The following NRXN3 variants were observed in gnomAD, a reference collection of about 807,000 sequenced individuals.
NRXN3 encodes the protein neurexin III.
Under a neutral mutation model 137.6 loss-of-function variants are expected in NRXN3, and 32 were observed. The observed-to-expected ratio is 0.23, with a 90% CI of 0.18 to 0.31. The LOEUF is 0.31. Ranked by LOEUF, NRXN3 falls within the 10% of genes least tolerant of loss-of-function variation. NRXN3 has a pLI of 1.00. For missense variants in NRXN3, 1,574 were observed against 2,062.5 expected (o/e 0.76, Z 4.59); for synonymous variants, 798 against 784.5 (o/e 1.02, Z -0.29).
At chr14:79,548,105 G>A (rs2097338529) in intron 16 of NRXN3, among the ~76,000 whole-genome samples, 1 of 151,950 alleles carries the variant, frequency 6.6e-6, no homozygotes, top group African/African-American at 2.4e-5. Context: ...TGTTACATAG[G>A]TATACATATG....
intron 4 of NRXN3, among the ~76,000 whole-genome samples, chr14:78,439,677 T>A (rs908858990): frequency 6.6e-6 from 1 of 152,128 alleles, no homozygotes; most frequent in Non-Finnish European, 1.5e-5. Context: ...TATCCCTATT[T>A]TACAGGTGTG....
At chr14:79,370,177 G>A (rs1371914912) in intron 15 of NRXN3, among the ~76,000 whole-genome samples, 1 of 152,104 alleles carries the variant, frequency 6.6e-6, no homozygotes, top group Non-Finnish European at 1.5e-5. Flanking sequence ...GAGTTGCTAT[G>A]AGCCAGACAC....
At chr14:78,321,822 C>T (rs2079405756) in intron 4 of NRXN3, among the ~76,000 whole-genome samples, 1 of 152,058 alleles carries the variant, frequency 6.6e-6, no homozygotes, top group African/African-American at 2.4e-5. Flanking sequence ...GTTTCCCCTT[C>T]CAGATCCATT....
At chr14:79,104,111 G>C (rs947410308) in intron 15 of NRXN3, among the ~76,000 whole-genome samples, 2 of 152,194 alleles carry the variant, frequency 1.3e-5, no homozygotes, top group African/African-American at 4.8e-5. Flanking sequence ...TATCAGGGAA[G>C]TCTTCTGTGA....
chr14:79,289,619 T>TA lies in NRXN3; in HGVS notation c.3263-177590dup, dbSNP rs879823228. On this transcript the variant is annotated intron_variant, in intron 15 of 20. Coordinates refer to ENST00000335750, the MANE Select transcript of NRXN3 (RefSeq NM_001330195.2). Reference sequence around the variant, plus strand: ...TGGGTGATGAGAGAGAAACTCTATCTAAAAAAAAAAAATTAATCATGAGAA... The same window carrying TA: ...TGGGTGATGAGAGAGAAACTCTATCTAAAAAAAAAAAAATTAATCATGAGAA... 8.9e-4 allele frequency among the ~76,000 whole-genome samples: 130 copies of TA among 146,566 alleles called. 1 individual carries two copies. The highest frequency in any genetic ancestry group is 4.4e-3 in the East Asian group (22 of 5,046).
chr14:78,820,241 C>CATATATAT (rs199832842), intron 10 of NRXN3, among the ~76,000 whole-genome samples: 1 of 146,742 alleles, frequency 6.8e-6, no homozygotes, highest in Non-Finnish European at 1.5e-5. Flanking sequence ...TACATATATA[C>CATATATAT]ATATATATAT....
intron 19 of NRXN3, among the ~76,000 whole-genome samples, chr14:79,770,989 A>G (rs935649286): frequency 2.0e-5 from 3 of 152,224 alleles, no homozygotes; most frequent in Non-Finnish European, 2.9e-5. Context: ...AGAGAATACT[A>G]CAAACACCTC....
chr14:78,786,402 T>G (rs2098789447), intron 8 of NRXN3, among the ~76,000 whole-genome samples: 1 of 152,228 alleles, frequency 6.6e-6, no homozygotes, highest in South Asian at 2.1e-4. Flanking sequence ...TGCTAAGATC[T>G]GCAAAACTGT....
At chr14:79,590,915 G>A (rs1162864973) in intron 16 of NRXN3, among the ~76,000 whole-genome samples, 1 of 152,108 alleles carries the variant, frequency 6.6e-6, no homozygotes, top group East Asian at 1.9e-4. Context: ...TGTCTCTCAA[G>A]CCCTACCATC....
intron 16 of NRXN3, among the ~76,000 whole-genome samples, chr14:79,575,507 A>AC (rs2097655548): frequency 6.6e-6 from 1 of 152,204 alleles, no homozygotes; most frequent in Non-Finnish European, 1.5e-5. Flanking sequence ...TTTTAACAAA[A>AC]CATAAAAATA....
At chr14:78,493,815 T>C (rs1310935230) in intron 4 of NRXN3, among the ~76,000 whole-genome samples, 1 of 152,088 alleles carries the variant, frequency 6.6e-6, no homozygotes, top group Non-Finnish European at 1.5e-5. Context: ...AAACAAAAAA[T>C]CAACACCTAC....
intron 7 of NRXN3, 100 bp from the exon 8 acceptor site, chr14:78,714,656 C>A (rs1362277711): frequency 7.5e-7 from 1 of 1,325,176 alleles, no homozygotes; most frequent in African/African-American, 1.5e-5. Flanking sequence ...ATTGTTCTCT[C>A]CTGGCCAGCC....
chr14:78,846,366 G>T (rs1333629341), intron 10 of NRXN3, among the ~76,000 whole-genome samples: 2 of 152,062 alleles, frequency 1.3e-5, no homozygotes, highest in South Asian at 2.1e-4. Context: ...GATCAGGTCT[G>T]CCAGTTGCAA....
intron 4 of NRXN3, among the ~76,000 whole-genome samples, chr14:78,372,190 A>G (rs1337904659): frequency 6.6e-6 from 1 of 151,034 alleles, no homozygotes; most frequent in Non-Finnish European, 1.5e-5. Flanking sequence ...TACCAGAACT[A>G]TGTATTTTTT....
intron 3 of NRXN3, among the ~76,000 whole-genome samples, chr14:78,291,947 C>T (rs1406373356): frequency 6.6e-6 from 1 of 152,006 alleles, no homozygotes. Context: ...TGACTTCCTT[C>T]CTTCCCCGAA....
At chr14:78,228,598 C>T (rs529233926) in intron 1 of NRXN3, among the ~76,000 whole-genome samples, 11 of 152,320 alleles carry the variant, frequency 7.2e-5, no homozygotes, top group African/African-American at 2.2e-4. Context: ...TGAATCCTCA[C>T]AATACCCCTT....
rs145015103 is a variant in NRXN3 at position 78,933,570 on chromosome 14, G to T, written c.2276-23672G>T. ...TGTTTTTTAATTGACTTATAAACTT[G>T]TATGTATTTATAGTGTACAACATGA... On this transcript the variant is annotated intron_variant, in intron 10 of 20. Transcript: ENST00000335750. 6.6e-5 allele frequency among the ~76,000 whole-genome samples: 10 copies of T among 152,218 alleles called. No homozygotes were observed. The East Asian group carries it at 1.9e-3, about 29-fold the overall frequency.
At chr14:79,623,295 A>G (rs1004674022) in intron 16 of NRXN3, among the ~76,000 whole-genome samples, 4 of 152,162 alleles carry the variant, frequency 2.6e-5, no homozygotes, top group African/African-American at 2.4e-5. Context: ...GTCTTACTCT[A>G]TGTTTTCTAG....
chr14:78,934,693 A>C lies in NRXN3; in HGVS notation c.2276-22549A>C, dbSNP rs1028443967. Among the ~76,000 whole-genome samples the C allele has an allele frequency of 2.6e-5, 4 of 151,816 alleles. No homozygotes were observed. In the East Asian group the frequency reaches 5.8e-4, roughly 22 times the overall value. On this transcript the variant is annotated intron_variant, in intron 10 of 20. Transcript: ENST00000335750. Reference sequence around the variant, plus strand: ...GATGAAGCTAGAAACCATCATTCTCAGCAAACTATCACAAGGAGAAAAAAC... The same window carrying C: ...GATGAAGCTAGAAACCATCATTCTCCGCAAACTATCACAAGGAGAAAAAAC...
Sources: gnomAD v4.1 joint callset for allele counts (sites outside exome capture counted in the v4.1 genomes callset) on GRCh38, gnomAD v4.1.1 for gene constraint, MANE v1.5 for transcripts, NCBI Gene and HGNC (gene_info 2026-07-23, HGNC 2026-07-21) for gene names.